The following MACROD2 variants were observed in gnomAD, a reference collection of about 807,000 sequenced individuals.
MACROD2 encodes mono-ADP ribosylhydrolase 2, also known as ADP-ribose glycohydrolase MACROD2.
Under a neutral mutation model 70.4 loss-of-function variants are expected in MACROD2, and 36 were observed. The ratio of observed to expected loss-of-function variants is 0.51; its 90% CI spans 0.39 to 0.68. The LOEUF is 0.68. MACROD2 is among the 30% of genes least tolerant of loss of function. The pLI is 0.00. For missense variants in MACROD2, 496 were observed against 538.4 expected (o/e 0.92, Z 0.78); for synonymous variants, 172 against 178.8 (o/e 0.96, Z 0.30).
intron 8 of MACROD2, among the ~76,000 whole-genome samples, chr20:15,823,147 A>G (rs909460063): frequency 2.6e-5 from 4 of 152,250 alleles, no homozygotes; most frequent in African/African-American, 9.6e-5. Flanking sequence ...TTGAAAGAGT[A>G]TTGCTAATGA....
chr20:14,540,887 A>T (rs1273565032), intron 4 of MACROD2, among the ~76,000 whole-genome samples: 1 of 152,188 alleles, frequency 6.6e-6, no homozygotes, highest in African/African-American at 2.4e-5. Context: ...TAATGAGCTC[A>T]TGTTCTCATT....
At chr20:14,794,057 G>C (rs2072482583) in intron 5 of MACROD2, among the ~76,000 whole-genome samples, 1 of 151,992 alleles carries the variant, frequency 6.6e-6, no homozygotes, top group Admixed American at 6.6e-5. Flanking sequence ...GAATAGAAAG[G>C]GATTGGGGCT....
intron 3 of MACROD2, among the ~76,000 whole-genome samples, chr20:14,336,923 T>C (rs2082948049): frequency 1.3e-5 from 2 of 152,140 alleles, no homozygotes; most frequent in Admixed American, 1.3e-4. Context: ...TCTCCAGGAG[T>C]AGCTCGGCTA....
rs190807828 is a variant in MACROD2, at chr20:14,174,436, C to T, written c.271+88708C>T. Reference sequence around the variant, plus strand: ...TTCCTCTGCTGTAACATGCATGTTTCCAGGGAAGTCAGGGAAAGCTAGCAG... The same window carrying T: ...TTCCTCTGCTGTAACATGCATGTTTTCAGGGAAGTCAGGGAAAGCTAGCAG... On this transcript the variant is annotated intron_variant, in intron 3 of 17. Transcript: ENST00000684519. Among the ~76,000 whole-genome samples, 4 of 152,166 alleles carry T rather than the reference C, an allele frequency of 2.6e-5. No homozygotes were observed. The East Asian group carries it at 7.7e-4, about 29-fold the overall frequency.
intron 2 of MACROD2, among the ~76,000 whole-genome samples, chr20:14,035,931 A>G (rs551421310): frequency 1.3e-5 from 2 of 152,348 alleles, no homozygotes; most frequent in Non-Finnish European, 2.9e-5. Context: ...TCACGAGGTC[A>G]GGAGATTGAG....
chr20:15,389,355 T>A (rs2045761818), intron 6 of MACROD2, among the ~76,000 whole-genome samples: 2 of 150,910 alleles, frequency 1.3e-5, no homozygotes, highest in African/African-American at 4.9e-5. Context: ...GAAGGAAGAG[T>A]GAAGAAGGAA....
Position 15,448,771 on chromosome 20 carries a change from G to A in MACROD2, c.571+17336G>A, listed in dbSNP as rs182381959. On this transcript the variant is annotated intron_variant, in intron 7 of 17. Coordinates refer to ENST00000684519, the MANE Select transcript of MACROD2 (RefSeq NM_001351661.2). Reference sequence around the variant, plus strand: ...TTGAATATGAACAACATGTAAGTTAGAGTTCTTATATTTAATTCTAGGGAT... The same window carrying A: ...TTGAATATGAACAACATGTAAGTTAAAGTTCTTATATTTAATTCTAGGGAT... 7.2e-5 allele frequency among the ~76,000 whole-genome samples: 11 copies of A among 152,228 alleles called. No homozygotes were observed. In the East Asian group the frequency reaches 1.9e-3, roughly 27 times the overall value.
At chr20:14,900,142 T>A (rs564898829) in intron 5 of MACROD2, among the ~76,000 whole-genome samples, 4 of 152,158 alleles carry the variant, frequency 2.6e-5, no homozygotes, top group Admixed American at 2.0e-4. Context: ...GAACCAACTT[T>A]GAATTTCTGG....
chr20:15,128,687 T>G (rs1026021242), intron 5 of MACROD2, among the ~76,000 whole-genome samples: 1 of 152,030 alleles, frequency 6.6e-6, no homozygotes, highest in Non-Finnish European at 1.5e-5. Flanking sequence ...TAAGGCTAAG[T>G]TAGGTTTGAA....
chr20:15,984,776 A>G (rs1047074424), intron 13 of MACROD2, among the ~76,000 whole-genome samples: 5 of 152,150 alleles, frequency 3.3e-5, no homozygotes, highest in African/African-American at 1.2e-4. Flanking sequence ...AAACCTTGTA[A>G]GTTTGGGATT....
At chr20:15,033,371 C>T (rs755171623) in intron 5 of MACROD2, among the ~76,000 whole-genome samples, 4 of 152,112 alleles carry the variant, frequency 2.6e-5, no homozygotes, top group Non-Finnish European at 5.9e-5. Flanking sequence ...AGCTGCCACA[C>T]TTTCTCATTC....
intron 4 of MACROD2, among the ~76,000 whole-genome samples, chr20:14,655,771 C>T (rs905893729): frequency 2.6e-5 from 4 of 152,118 alleles, no homozygotes; most frequent in African/African-American, 9.7e-5. Context: ...TCCTGTGATT[C>T]ATCAGTAAAA....
chr20:15,865,945 G>T (rs1468396591), intron 9 of MACROD2, among the ~76,000 whole-genome samples: 1 of 152,192 alleles, frequency 6.6e-6, no homozygotes, highest in Non-Finnish European at 1.5e-5. Flanking sequence ...CGATGATTCT[G>T]ACACTATTAG....
At position 15,828,123 on chromosome 20, in the gene MACROD2, T is replaced by C. The variant is rs186153602; in HGVS notation, c.646-34622T>C. Among the ~76,000 whole-genome samples, 91 of 152,312 alleles carry C rather than the reference T, an allele frequency of 6.0e-4. 1 individual carries two copies. The highest frequency in any genetic ancestry group is 2.1e-3 in the African/African-American group (89 of 41,568). On this transcript the variant is annotated intron_variant, in intron 8 of 17. Transcript: ENST00000684519. ...ATTTGGAAATTGCTAAGAGAGTAGATTGAAATATTCTTATCACAAAAATGA... is the reference window on the plus strand; with the variant it reads ...ATTTGGAAATTGCTAAGAGAGTAGACTGAAATATTCTTATCACAAAAATGA...
chr20:14,448,502 C>G (rs1366668147), intron 3 of MACROD2, among the ~76,000 whole-genome samples: 3 of 151,814 alleles, frequency 2.0e-5, no homozygotes, highest in Non-Finnish European at 4.4e-5. Context: ...CATAGTGAAA[C>G]CCCATCTCTA....
At chr20:15,435,656 T>C (rs2046418835) in intron 7 of MACROD2, among the ~76,000 whole-genome samples, 1 of 152,128 alleles carries the variant, frequency 6.6e-6, no homozygotes, top group South Asian at 2.1e-4. Context: ...AAGTAAACTT[T>C]TTAAATATCA....
intron 7 of MACROD2, among the ~76,000 whole-genome samples, chr20:15,460,120 C>G (rs2046787503): frequency 6.6e-6 from 1 of 152,074 alleles, no homozygotes; most frequent in African/African-American, 2.4e-5. Context: ...GTAATTGAAC[C>G]CAGGAGAACG....
intron 3 of MACROD2, among the ~76,000 whole-genome samples, chr20:14,209,228 A>G (rs2081550836): frequency 6.6e-6 from 1 of 152,198 alleles, no homozygotes; most frequent in Non-Finnish European, 1.5e-5. Flanking sequence ...AAATTGCCAA[A>G]GCTGCCATTC....
At chr20:14,263,794 CCA>C (rs371327492) in intron 3 of MACROD2, among the ~76,000 whole-genome samples, 9 of 150,288 alleles carry the variant, frequency 6.0e-5, no homozygotes, top group Non-Finnish European at 1.2e-4. Context: ...AATCCCGACT[CCA>C]CACACACACA....
Sources: gnomAD v4.1 joint callset for allele counts (sites outside exome capture counted in the v4.1 genomes callset) on GRCh38, gnomAD v4.1.1 for gene constraint, MANE v1.5 for transcripts, NCBI Gene and HGNC (gene_info 2026-07-23, HGNC 2026-07-21) for gene names.